The following USP25 variants were observed in gnomAD, a reference collection of about 807,000 sequenced individuals.
USP25 encodes ubiquitin carboxyl-terminal hydrolase 25.
In USP25, 85 loss-of-function variants were observed where a neutral mutation model predicts 158.5. The ratio of observed to expected loss-of-function variants is 0.54; its 90% CI spans 0.45 to 0.64. The LOEUF is 0.64. Ranked by LOEUF, USP25 falls within the 30% of genes least tolerant of loss-of-function variation. USP25 has a pLI of 0.00. For missense variants in USP25, 1,242 were observed against 1,327.3 expected (o/e 0.94, Z 1.00); for synonymous variants, 464 against 460.4 (o/e 1.01, Z -0.10).
intron 1 of USP25, among the ~76,000 whole-genome samples, chr21:15,745,895 G>A (rs2032516070): frequency 6.6e-6 from 1 of 152,210 alleles, no homozygotes; most frequent in African/African-American, 2.4e-5. Flanking sequence ...GTGTTCTGAG[G>A]TGTCACTAAG....
In USP25 at chr21:15,826,232, C is replaced by T; in HGVS notation, c.1333C>T (p.Arg445Ter). The T allele has an allele frequency of 4.3e-6, 7 of 1,613,960 alleles. No individual in the cohort carries two copies. The highest frequency in any genetic ancestry group is 5.9e-6 in the Non-Finnish European group (7 of 1,179,910). The change falls in exon 13 of 26, where the codon CGA becomes TGA. Residue 445 changes from arginine (R) to a stop codon, truncating the protein, a stop_gained. Coordinates refer to ENST00000400183, the MANE Select transcript of USP25 (RefSeq NM_001283041.3). LOFTEE classifies it high-confidence loss of function. The surrounding 1 kb of genome is among the most constrained non-coding windows in gnomAD (Gnocchi z 4.8). ...RYLSYGSGPK[R>*]FPLVDVLQYA... ...TTTAAGCTATGGTTCCGGTCCCAAA[C>T]GATTCCCCTTGGTAGATGTTCTTCA...
intron 1 of USP25, among the ~76,000 whole-genome samples, chr21:15,736,397 C>G (rs2031520273): frequency 1.3e-5 from 2 of 152,108 alleles, no homozygotes; most frequent in African/African-American, 4.8e-5. Context: ...CTAATGGATT[C>G]AATCCAAACT....
At chr21:15,815,017 G>A (rs188417419) in intron 9 of USP25, among the ~76,000 whole-genome samples, 36 of 152,264 alleles carry the variant, frequency 2.4e-4, no homozygotes, top group East Asian at 1.4e-3. Context: ...TGGGCTGCCC[G>A]TGGTACTCAT....
chr21:15,762,771 C>T (rs1001562498), intron 1 of USP25, 120 bp from the exon 2 acceptor site: 43 of 814,302 alleles, frequency 5.3e-5, no homozygotes, highest in Non-Finnish European at 7.2e-5. Flanking sequence ...TCCTTTTTTA[C>T]TCTAGTTTAC....
At chr21:15,812,329 T>C (rs2036708098) in intron 9 of USP25, among the ~76,000 whole-genome samples, 1 of 152,112 alleles carries the variant, frequency 6.6e-6, no homozygotes. Context: ...ATTATATTGA[T>C]TCCTAAAATT....
intron 9 of USP25, among the ~76,000 whole-genome samples, chr21:15,813,018 C>T (rs546909166): frequency 6.6e-5 from 10 of 151,388 alleles, no homozygotes; most frequent in Admixed American, 5.3e-4. Flanking sequence ...TCTCTTTCCC[C>T]CCTTCCCTTC....
intron 2 of USP25, among the ~76,000 whole-genome samples, chr21:15,764,869 T>C (rs2033943430): frequency 6.6e-6 from 1 of 152,154 alleles, no homozygotes; most frequent in Non-Finnish European, 1.5e-5. Flanking sequence ...CACTGACTGC[T>C]ACAACTGGAA....
intron 22 of USP25, 62 bp from the exon 23 acceptor site, chr21:15,870,006 C>T (rs1444046817): frequency 8.0e-7 from 1 of 1,252,930 alleles, no homozygotes; most frequent in Non-Finnish European, 1.1e-6. Context: ...ACTTTTTGTA[C>T]AGTTTCATAG....
rs1339539009 is a variant in USP25, at chr21:15,843,449, G to A, written c.2337+909G>A. 6.6e-6 allele frequency among the ~76,000 whole-genome samples: 1 copy of A among 152,068 alleles called. No homozygotes were observed. Among genetic ancestry groups the A allele is most frequent in the Non-Finnish European group, 1.5e-5 (1 of 68,010 alleles). On this transcript the variant is annotated intron_variant, in intron 18 of 25. Transcript: ENST00000400183. The surrounding 1 kb of genome is among the most constrained non-coding windows in gnomAD (Gnocchi z 4.0). ...TAAATATATAATAAGACTTCCTTTA[G>A]CCAAAATGTTCAAGAGATATGGTAC...
At chr21:15,778,949 T>C (rs1196407063) in intron 4 of USP25, among the ~76,000 whole-genome samples, 1 of 152,134 alleles carries the variant, frequency 6.6e-6, no homozygotes, top group Non-Finnish European at 1.5e-5. Flanking sequence ...ACCAAATTTC[T>C]CAGGTAATTT....
chr21:15,866,230 TACAC>T (rs763044686), intron 21 of USP25, 32 bp from the exon 22 acceptor site: 6 of 1,420,726 alleles, frequency 4.2e-6, no homozygotes, highest in Non-Finnish European at 4.8e-6. Flanking sequence ...TACACACACA[TACAC>T]ACACGCTCAT....
chr21:15,767,212 A>G (rs2034091152), intron 3 of USP25, among the ~76,000 whole-genome samples: 1 of 152,116 alleles, frequency 6.6e-6, no homozygotes, highest in African/African-American at 2.4e-5. Flanking sequence ...CTGTGATAAT[A>G]CAGAATGGCT....
intron 20 of USP25, among the ~76,000 whole-genome samples, chr21:15,856,418 G>A (rs2039139693): frequency 6.6e-6 from 1 of 152,044 alleles, no homozygotes; most frequent in African/African-American, 2.4e-5. Context: ...CTTACATTCA[G>A]GCATTCATCC....
Position 15,805,227 on chromosome 21 carries a change from A to T in USP25, c.749A>T (p.Lys250Met). 6.2e-7 allele frequency: 1 copy of T among 1,604,738 alleles called. No homozygotes were observed. Among genetic ancestry groups the T allele is most frequent in the Non-Finnish European group, 8.5e-7 (1 of 1,176,760 alleles). ...CCATCAAGAGCAGTTGAAATTCTTA[A>T]GGATGCTTTCAAATCAAATGACTCA... Reference protein sequence around the residue: ...VDPSRAVEILKDAFKSNDSQQ... With the variant: ...VDPSRAVEILMDAFKSNDSQQ... The change falls in exon 7 of 26, where the codon AAG (lysine) becomes ATG (methionine). Residue 250 changes from lysine (K) to methionine (M), a missense_variant. By Grantham distance (95) the Lys-to-Met change is moderately conservative (BLOSUM62 -1). Coordinates refer to ENST00000400183, the MANE Select transcript of USP25 (RefSeq NM_001283041.3).
At chr21:15,859,909 T>G (rs532987676) in intron 20 of USP25, among the ~76,000 whole-genome samples, 1 of 149,622 alleles carries the variant, frequency 6.7e-6, no homozygotes, top group East Asian at 1.9e-4. Flanking sequence ...TTCTCCTACT[T>G]TATATTTTAT....
chr21:15,805,326 C>G (rs145318543), intron 7 of USP25, 68 bp downstream of exon 7: 17 of 1,378,046 alleles, frequency 1.2e-5, no homozygotes, highest in Non-Finnish European at 5.7e-6. Flanking sequence ...AAGCACCTTT[C>G]CCAAGAATAT....
intron 12 of USP25, among the ~76,000 whole-genome samples, chr21:15,825,280 G>A (rs1338176688): frequency 1.3e-5 from 2 of 152,170 alleles, no homozygotes; most frequent in Admixed American, 1.3e-4. Flanking sequence ...AACAGGTAAT[G>A]TTCCTACTGC....
At chr21:15,863,178 A>G (rs569915936) in intron 20 of USP25, among the ~76,000 whole-genome samples, 28 of 152,098 alleles carry the variant, frequency 1.8e-4, no homozygotes, top group African/African-American at 6.7e-4. Flanking sequence ...AAATCTATAC[A>G]TATTTCTATA....
intron 20 of USP25, among the ~76,000 whole-genome samples, chr21:15,859,992 T>TA (rs1491579050): frequency 2.2e-4 from 19 of 84,806 alleles, no homozygotes; most frequent in African/African-American, 8.1e-4. Context: ...TATATCTATA[T>TA]TTTTTTTTTT....
Sources: allele counts gnomAD v4.1 joint callset (sites outside exome capture counted in the v4.1 genomes callset), GRCh38; gene constraint gnomAD v4.1.1; non-coding constraint Gnocchi (gnomAD v3.1); transcripts MANE v1.5; gene names NCBI Gene and HGNC (gene_info 2026-07-23, HGNC 2026-07-21).